CCSER1: variants seen among roughly 807,000 people sequenced by gnomAD.
CCSER1 encodes serine-rich coiled-coil domain-containing protein 1.
Under a neutral mutation model 82.0 loss-of-function variants are expected in CCSER1, and 41 were observed. The ratio of observed to expected loss-of-function variants is 0.50; its 90% CI spans 0.39 to 0.65. The LOEUF (loss-of-function observed/expected upper bound fraction) is 0.65, where lower values mean the gene tolerates loss of function less well. Ranked by LOEUF, CCSER1 falls within the 30% of genes least tolerant of loss-of-function variation. CCSER1 has a pLI of 0.00. For missense variants in CCSER1, 1,119 were observed against 1,064.2 expected, an observed-to-expected ratio of 1.05 and a Z score of -0.72; for synonymous variants, 414 against 383.9, an observed-to-expected ratio of 1.08 and a Z score of -0.92.
intron 5 of CCSER1, among the ~76,000 whole-genome samples, chr4:90,620,806 T>G (rs1722174673): frequency 2.6e-5 from 4 of 152,090 alleles, no homozygotes; most frequent in Admixed American, 2.6e-4. Flanking sequence ...TCTTTTCTTT[T>G]CTTTCTTTCT....
intron 5 of CCSER1, among the ~76,000 whole-genome samples, chr4:90,487,714 C>T (rs1025599818): frequency 2.9e-4 from 44 of 152,154 alleles, no homozygotes; most frequent in Admixed American, 9.2e-4. Flanking sequence ...GGCACAATCT[C>T]GGCTCACTGC....
chr4:90,229,015 G>A (rs1743857624), intron 1 of CCSER1, among the ~76,000 whole-genome samples: 1 of 152,302 alleles, frequency 6.6e-6, no homozygotes, highest in South Asian at 2.1e-4. Flanking sequence ...TGAAAGTGAT[G>A]GGGAGAATGG....
At chr4:91,456,715 T>C (rs1287335020) in intron 10 of CCSER1, among the ~76,000 whole-genome samples, 2 of 152,234 alleles carry the variant, frequency 1.3e-5, no homozygotes, top group East Asian at 1.9e-4. Context: ...TACTTTCTGT[T>C]TTTATAAATT....
Position 91,085,933 on chromosome 4 carries a change from T to C in CCSER1, c.2173-17T>C. 7.1e-7 allele frequency: 1 copy of C among 1,416,686 alleles called. No homozygotes were observed. The highest frequency in any genetic ancestry group is 9.7e-7 in the Non-Finnish European group (1 of 1,025,734). The allele number at this position is 1,416,686 out of a possible 1,614,324, so 87.8% of individuals were successfully genotyped here. On this transcript the variant is annotated splice_polypyrimidine_tract_variant and intron_variant, in intron 9 of 10. Transcript: ENST00000509176. ...TCTTCGTTGCCAATAATAATATACT[T>C]TGCTTTTCTTTTTCAGGGTTTAAAC...
At chr4:90,338,553 CACT>C (rs1740828228) in intron 3 of CCSER1, among the ~76,000 whole-genome samples, 1 of 152,182 alleles carries the variant, frequency 6.6e-6, no homozygotes, top group Non-Finnish European at 1.5e-5. Context: ...GCTTGAGTGT[CACT>C]GATTGTTTTA....
intron 8 of CCSER1, among the ~76,000 whole-genome samples, chr4:90,852,149 T>A (rs1237054807): frequency 1.3e-5 from 2 of 152,144 alleles, no homozygotes; most frequent in Non-Finnish European, 2.9e-5. Context: ...AGGAACAAAC[T>A]TTACTCAAAC....
chr4:91,222,244 G>T, intron 10 of CCSER1, among the ~76,000 whole-genome samples: 1 of 151,372 alleles, frequency 6.6e-6, no homozygotes, highest in South Asian at 2.1e-4. Context: ...GAGCACAGCC[G>T]AGAGAGGCGT....
intron 10 of CCSER1, among the ~76,000 whole-genome samples, chr4:91,412,229 TG>T (rs898031039): frequency 6.6e-6 from 1 of 152,044 alleles, no homozygotes; most frequent in African/African-American, 2.4e-5. Flanking sequence ...GTTTGGCTTT[TG>T]CCATGCCACC....
At chr4:90,295,024 A>G (rs1280346112) in intron 1 of CCSER1, among the ~76,000 whole-genome samples, 1 of 151,974 alleles carries the variant, frequency 6.6e-6, no homozygotes, top group Non-Finnish European at 1.5e-5. Flanking sequence ...TTGTTTGTTC[A>G]TATCTTTGAC....
intron 10 of CCSER1, among the ~76,000 whole-genome samples, chr4:91,317,135 T>G (rs1446722447): frequency 1.3e-5 from 2 of 151,994 alleles, no homozygotes; most frequent in Non-Finnish European, 2.9e-5. Context: ...TATATCACAT[T>G]ACATTATACT....
At chr4:90,561,802 TCATTA>T (rs1419831032) in intron 5 of CCSER1, among the ~76,000 whole-genome samples, 1 of 152,204 alleles carries the variant, frequency 6.6e-6, no homozygotes, top group Admixed American at 6.5e-5. Flanking sequence ...TTTATCCAGC[TCATTA>T]CATAACTATT....
At chr4:91,171,249 G>T (rs1055279259) in intron 10 of CCSER1, among the ~76,000 whole-genome samples, 2 of 152,048 alleles carry the variant, frequency 1.3e-5, no homozygotes, top group Admixed American at 6.6e-5. Context: ...CAGGAAAATA[G>T]GGCTGCATGT....
chr4:90,715,957 C>T (rs1388038679), intron 6 of CCSER1, among the ~76,000 whole-genome samples: 1 of 151,188 alleles, frequency 6.6e-6, no homozygotes, highest in African/African-American at 2.4e-5. Context: ...TATAATATAC[C>T]CATAAAATGT....
intron 10 of CCSER1, among the ~76,000 whole-genome samples, chr4:91,439,146 C>A (rs892073953): frequency 6.6e-6 from 1 of 152,052 alleles, no homozygotes; most frequent in Admixed American, 6.6e-5. Flanking sequence ...CAAAGATACT[C>A]CTCGAGAAGA....
At chr4:91,455,850 A>G (rs1386692843) in intron 10 of CCSER1, among the ~76,000 whole-genome samples, 1 of 152,116 alleles carries the variant, frequency 6.6e-6, no homozygotes, top group Non-Finnish European at 1.5e-5. Context: ...AAAGTTGTAT[A>G]TGCACAGGAA....
At chr4:91,483,192 T>C (rs1758040527) in intron 10 of CCSER1, among the ~76,000 whole-genome samples, 1 of 152,000 alleles carries the variant, frequency 6.6e-6, no homozygotes, top group Admixed American at 6.6e-5. Context: ...AGTGTCATAC[T>C]CTATCTGATA....
intron 9 of CCSER1, among the ~76,000 whole-genome samples, chr4:90,986,054 A>G (rs1199166574): frequency 2.0e-5 from 3 of 151,752 alleles, no homozygotes; most frequent in African/African-American, 7.2e-5. Context: ...GTTTACTAGG[A>G]GTTTAGCTGA....
chr4:90,965,408 ACCTTG>A (rs1256277025), intron 9 of CCSER1, among the ~76,000 whole-genome samples: 1 of 152,042 alleles, frequency 6.6e-6, no homozygotes, highest in Non-Finnish European at 1.5e-5. Context: ...CCTCTGGGTG[ACCTTG>A]AGTTTCTGCA....
intron 1 of CCSER1, among the ~76,000 whole-genome samples, chr4:90,218,223 C>G (rs1433922770): frequency 2.0e-5 from 3 of 152,168 alleles, no homozygotes; most frequent in Non-Finnish European, 4.4e-5. Flanking sequence ...TATGCTGAAT[C>G]ACATTTATTT....
Sources: gnomAD v4.1 joint callset for allele counts (sites outside exome capture counted in the v4.1 genomes callset) on GRCh38, gnomAD v4.1.1 for gene constraint, MANE v1.5 for transcripts, NCBI Gene and HGNC (gene_info 2026-07-23, HGNC 2026-07-21) for gene names.